The following FHIP1B variants were observed in gnomAD, a reference collection of about 807,000 sequenced individuals.
FHIP1B encodes the protein FHF complex subunit HOOK-interacting protein 1B.
FHIP1B carries 28 observed loss-of-function variants against 82.2 expected under a neutral mutation model. The ratio of observed to expected loss-of-function variants is 0.34; its 90% CI spans 0.25 to 0.47. The LOEUF (loss-of-function observed/expected upper bound fraction) is 0.47. FHIP1B is among the 20% of genes least tolerant of loss of function. The pLI is 1.00. For missense variants in FHIP1B, 1,110 were observed against 1,262.6 expected, an observed-to-expected ratio of 0.88 and a Z score of 1.83; for synonymous variants, 585 against 516.1, an observed-to-expected ratio of 1.13 and a Z score of -1.81.
Position 6,218,107 on chromosome 11 carries a change from T to C in FHIP1B, c.1479A>G (p.Val493=). The stretch of plus-strand genomic sequence containing the variant: ...GACGAGATGGTGTGGAGGGCCGGGG[T>C]ACTGTCGTCACAGAAGAGGAGTCCA... ...PSVDSSSVTT[V]PRPSTPSRLA... The change falls in exon 9 of 12, where the codon GTA becomes GTG. Residue 493 remains valine, a synonymous_variant. Transcript: ENST00000449352. The C allele has an allele frequency of 3.7e-6, 6 of 1,612,892 alleles. No homozygotes were observed. Among genetic ancestry groups the C allele is most frequent in the Non-Finnish European group, 5.1e-6 (6 of 1,179,522 alleles).
intron 1 of FHIP1B, among the ~76,000 whole-genome samples, chr11:6,232,527 C>A (rs1847724220): frequency 6.6e-6 from 1 of 152,216 alleles, no homozygotes; most frequent in Non-Finnish European, 1.5e-5. Context: ...CACTCTGAGA[C>A]AAAATTCTGG....
At chr11:6,228,472 G>A (rs1324218635) in intron 1 of FHIP1B, among the ~76,000 whole-genome samples, 1 of 152,198 alleles carries the variant, frequency 6.6e-6, no homozygotes, top group African/African-American at 2.4e-5. Flanking sequence ...GCAGTAGTCT[G>A]AAGAAAGTGA....
At position 6,217,638 on chromosome 11, in the gene FHIP1B, G is replaced by A. The variant is rs749214656; in HGVS notation, c.1948C>T (p.Arg650Cys). Reference protein sequence around the residue: ...GSWPEGAKKVRLVPKEGAGEL... With the variant: ...GSWPEGAKKVCLVPKEGAGEL... ...CCAGCTCCCTCCTTTGGCACCAGAC[G>A]AACCTTCTTGGCCCCCTCAGGCCAT... The change falls in exon 9 of 12, where the codon CGT becomes TGT. Residue 650 changes from arginine to cysteine, a missense_variant. Coordinates refer to ENST00000449352, the MANE Select transcript of FHIP1B (RefSeq NM_001098794.2). 10 of 1,613,832 alleles carry A rather than the reference G, an allele frequency of 6.2e-6. No homozygotes were observed. The highest frequency in any genetic ancestry group is 2.2e-5 in the East Asian group (1 of 44,848).
At chr11:6,232,092 A>T (rs1444894439) in intron 1 of FHIP1B, among the ~76,000 whole-genome samples, 1 of 152,222 alleles carries the variant, frequency 6.6e-6, no homozygotes, top group Non-Finnish European at 1.5e-5. Context: ...TTCTATCTCT[A>T]CATCATCATC....
Position 6,211,427 on chromosome 11 carries a change from T to C in FHIP1B, c.*79A>G. ...ATAAATTAAAAAGTCCTTTTGCCACTGCCTCCAAACATAAAAAGGAGCCTG... is the reference window on the plus strand; with the variant it reads ...ATAAATTAAAAAGTCCTTTTGCCACCGCCTCCAAACATAAAAAGGAGCCTG... On this transcript the variant is annotated 3_prime_UTR_variant, in exon 12 of 12. Transcript: ENST00000449352. 1 of 1,485,268 alleles carries C rather than the reference T, an allele frequency of 6.7e-7. No homozygotes were observed. The allele number at this position is 1,485,268 out of a possible 1,614,324, so 92.0% of individuals were successfully genotyped here.
intron 1 of FHIP1B, among the ~76,000 whole-genome samples, chr11:6,227,225 G>A (rs764492243): frequency 3.9e-5 from 6 of 152,146 alleles, no homozygotes; most frequent in Non-Finnish European, 5.9e-5. Flanking sequence ...AGCACTACAC[G>A]AAGTAGCTAA....
chr11:6,218,426 G>A, intron 8 of FHIP1B, 174 bp downstream of exon 8: 1 of 1,027,054 alleles, frequency 9.7e-7, no homozygotes, highest in East Asian at 2.5e-5. Context: ...AATTTTCTTT[G>A]GTGAGTGTTA....
chr11:6,216,335 G>C (rs4758400), intron 9 of FHIP1B, among the ~76,000 whole-genome samples: 67,627 of 152,118 alleles, frequency 0.44, 16,681 homozygotes, highest in East Asian at 0.76. Flanking sequence ...ACTGGAAGAT[G>C]AGTGTTTGCC....
intron 1 of FHIP1B, among the ~76,000 whole-genome samples, chr11:6,225,986 A>AACC: frequency 6.6e-6 from 1 of 152,274 alleles, no homozygotes; most frequent in South Asian, 2.1e-4. Context: ...TTGGAGAAGG[A>AACC]ACCATAGTTC....
intron 11 of FHIP1B, 125 bp downstream of exon 11, chr11:6,214,286 A>C: frequency 8.7e-7 from 1 of 1,149,954 alleles, no homozygotes; most frequent in Non-Finnish European, 1.2e-6. Context: ...ACAAACATGA[A>C]GACTCAATTT....
At chr11:6,214,034 GAAAAAAAAAAAA>G (rs59502569) in intron 11 of FHIP1B, among the ~76,000 whole-genome samples, 23 of 36,634 alleles carry the variant, frequency 6.3e-4, no homozygotes, top group African/African-American at 1.2e-3. Flanking sequence ...GACCTCTCCT[GAAAAAAAAAAAA>G]AAAAAAAAAA....
chr11:6,217,970 G>A lies in FHIP1B; in HGVS notation c.1616C>T (p.Thr539Ile). 6.2e-7 allele frequency: 1 copy of A among 1,613,266 alleles called. No individual in the cohort carries two copies. The highest frequency in any genetic ancestry group is 8.5e-7 in the Non-Finnish European group (1 of 1,180,020). Residue 539 changes from threonine to isoleucine, a missense_variant, in exon 9 of 12, where the codon ACC becomes ATC. This residue lies in a region of FHIP1B where 418 missense variants were observed against 371.4 expected (regional missense o/e 1.13). Transcript: ENST00000449352. ...SPASSPGRRP[T>I]PAEEPGELED... ...CAGCTCTCCAGGCTCCTCTGCAGGG[G>A]TAGGCCGTCGGCCAGGGCTGGAGGC... is the stretch of plus-strand genomic sequence containing the variant.
intron 11 of FHIP1B, among the ~76,000 whole-genome samples, chr11:6,212,649 A>G (rs919249697): frequency 2.6e-5 from 4 of 152,224 alleles, no homozygotes; most frequent in African/African-American, 9.6e-5. Context: ...GTCTGGATCC[A>G]TATCTACTAT....
rs1847388665 is a variant in FHIP1B at position 6,220,940 on chromosome 11, T to C, written c.1191+1502A>G. Among the ~76,000 whole-genome samples, 3 of 152,200 alleles carry C rather than the reference T, an allele frequency of 2.0e-5. No homozygotes were observed. The South Asian group carries it at 6.2e-4, about 32-fold the overall frequency. ...TATCTTTGTAAAATTAAAGCTTTAA[T>C]ACCTATTCCCTATTGGTTCCAATAA... On this transcript the variant is annotated intron_variant, in intron 6 of 11. Transcript: ENST00000449352.
intron 1 of FHIP1B, among the ~76,000 whole-genome samples, chr11:6,228,616 T>C (rs1241324143): frequency 6.6e-6 from 1 of 152,198 alleles, no homozygotes; most frequent in African/African-American, 2.4e-5. Flanking sequence ...CAGGCAAATC[T>C]GAACATGAAG....
intron 9 of FHIP1B, chr11:6,216,973 G>C (rs988334560): frequency 1.5e-6 from 1 of 647,234 alleles, no homozygotes; most frequent in Non-Finnish European, 2.8e-6. Flanking sequence ...CATAGAGAGT[G>C]TTTAGGTGCC....
At chr11:6,218,506 C>T in intron 8 of FHIP1B, 94 bp downstream of exon 8, 1 of 1,550,622 alleles carries the variant, frequency 6.4e-7, no homozygotes, top group Admixed American at 1.8e-5. Flanking sequence ...ACACCTTCCT[C>T]CCCTTCACCC....
At chr11:6,216,826 A>C in intron 9 of FHIP1B, 1 of 562,188 alleles carries the variant, frequency 1.8e-6, no homozygotes, top group Non-Finnish European at 3.2e-6. Context: ...AACAGGAAAA[A>C]CTTGAAATCA....
rs1365156258 is a variant in FHIP1B, at chr11:6,223,464, C to G, written c.777+146G>C. On this transcript the variant is annotated intron_variant, in intron 3 of 11. Transcript: ENST00000449352. The surrounding 1 kb of genome is among the most constrained non-coding windows in gnomAD (Gnocchi z 4.8). ...CTAAGCCCATGATTCATCCCCACTA[C>G]AACTCCAGGGGGCTGCTTTCAAATC... 7.9e-6 allele frequency: 9 copies of G among 1,142,742 alleles called. No individual in the cohort carries two copies. Among genetic ancestry groups the G allele is most frequent in the Non-Finnish European group, 2.5e-6 (2 of 801,262 alleles). The allele number at this position is 1,142,742 out of a possible 1,614,324, so 70.8% of individuals were successfully genotyped here.
Sources: allele counts gnomAD v4.1 joint callset (sites outside exome capture counted in the v4.1 genomes callset), GRCh38; gene constraint gnomAD v4.1.1; regional missense constraint gnomAD v4.1.1; non-coding constraint Gnocchi (gnomAD v3.1); transcripts MANE v1.5; gene names NCBI Gene and HGNC (gene_info 2026-07-23, HGNC 2026-07-21).